Variants in JAKMIP3 observed in about 807,000 individuals in gnomAD.
JAKMIP3 encodes the protein Janus kinase and microtubule interacting protein 3.
A neutral mutation model predicts 118.5 loss-of-function variants in JAKMIP3; 58 were observed. The observed-to-expected ratio is 0.49, with a 90% CI of 0.40 to 0.61. The LOEUF (loss-of-function observed/expected upper bound fraction) is 0.61, where lower values mean the gene tolerates loss of function less well. JAKMIP3 is among the 20% of genes least tolerant of loss of function. The pLI is 0.00. For missense variants in JAKMIP3, 950 were observed against 1,109.0 expected (o/e 0.86, Z 2.04); for synonymous variants, 486 against 451.2 (o/e 1.08, Z -0.98).
At chr10:132,067,167 G>T (rs79874738) in intron 1 of JAKMIP3, among the ~76,000 whole-genome samples, 1,938 of 151,876 alleles carry the variant, frequency 0.013, 32 homozygotes, top group African/African-American at 0.044. Context: ...AAAGGCTGGC[G>T]TTTGGATGAG....
intron 13 of JAKMIP3, 145 bp downstream of exon 13, chr10:132,145,725 C>T (rs990442162): frequency 1.3e-5 from 9 of 689,942 alleles, no homozygotes; most frequent in Non-Finnish European, 1.7e-5. Flanking sequence ...CTCCCTCCTG[C>T]GGGACCCCAT....
chr10:132,159,597 T>C (rs2057672147), intron 19 of JAKMIP3, among the ~76,000 whole-genome samples: 1 of 82,956 alleles, frequency 1.2e-5, no homozygotes, highest in African/African-American at 4.2e-5. Flanking sequence ...GCTGGGGGCA[T>C]GTCTTCCTAT....
chr10:132,133,076 G>A (rs748407098), intron 3 of JAKMIP3, among the ~76,000 whole-genome samples: 2 of 152,200 alleles, frequency 1.3e-5, no homozygotes, highest in East Asian at 1.9e-4. Flanking sequence ...CCCGGGGACC[G>A]TCAGGAAGGA....
At chr10:132,106,452 C>T (rs1017483761) in intron 2 of JAKMIP3, among the ~76,000 whole-genome samples, 7 of 152,230 alleles carry the variant, frequency 4.6e-5, no homozygotes, top group Non-Finnish European at 8.8e-5. Context: ...GCCCCGCCCC[C>T]GTTCCTCCCC....
At chr10:132,142,578 G>C (rs970942683) in intron 11 of JAKMIP3, among the ~76,000 whole-genome samples, 1 of 152,166 alleles carries the variant, frequency 6.6e-6, no homozygotes, top group South Asian at 2.1e-4. Flanking sequence ...CCTTAGCGTC[G>C]TCCCCCAGGA....
intron 23 of JAKMIP3, among the ~76,000 whole-genome samples, chr10:132,180,077 C>G (rs1006220967): frequency 3.2e-4 from 48 of 152,198 alleles, no homozygotes; most frequent in Non-Finnish European, 1.5e-5. Context: ...GCCAGGCCCT[C>G]AAAAGGAAGG....
At position 132,112,367 on chromosome 10, in the gene JAKMIP3, C is replaced by G. The variant is rs2047004035; in HGVS notation, c.136-4710C>G. On this transcript the variant is annotated intron_variant, in intron 2 of 23. Transcript: ENST00000684848. This position sits in a 1 kb window ranked among gnomAD's most constrained non-coding sequence, Gnocchi z 4.3. ...GCTGGGACCTGCCCTGGGCACTCGGCTCGTCAGCTGGGAAGCCCAGAGAGG... is the reference window on the plus strand; with the variant it reads ...GCTGGGACCTGCCCTGGGCACTCGGGTCGTCAGCTGGGAAGCCCAGAGAGG... Among the ~76,000 whole-genome samples, 1 of 152,138 alleles carries G rather than the reference C, an allele frequency of 6.6e-6. No individual in the cohort carries two copies. Among genetic ancestry groups the G allele is most frequent in the Non-Finnish European group, 1.5e-5 (1 of 68,018 alleles).
At chr10:132,109,633 T>A (rs902789799) in intron 2 of JAKMIP3, among the ~76,000 whole-genome samples, 2 of 152,154 alleles carry the variant, frequency 1.3e-5, no homozygotes, top group Non-Finnish European at 2.9e-5. Flanking sequence ...CCGCTTTTCT[T>A]CCAGCTCCCA....
chr10:132,129,780 C>T (rs190606606), intron 3 of JAKMIP3, among the ~76,000 whole-genome samples: 1 of 152,110 alleles, frequency 6.6e-6, no homozygotes, highest in East Asian at 1.9e-4. Flanking sequence ...CGTTGTGTAT[C>T]TTGTTCAGCT....
intron 1 of JAKMIP3, among the ~76,000 whole-genome samples, chr10:132,040,503 A>G (rs1260788142): frequency 6.6e-6 from 1 of 152,064 alleles, no homozygotes; most frequent in African/African-American, 2.4e-5. Context: ...TGCTATAATC[A>G]TTTTATATCC....
chr10:132,068,898 A>C (rs2039369425), intron 1 of JAKMIP3, among the ~76,000 whole-genome samples: 2 of 151,930 alleles, frequency 1.3e-5, no homozygotes, highest in African/African-American at 4.8e-5. Flanking sequence ...CTCCAGAAAA[A>C]CCGGGCCTCA....
At chr10:132,120,540 G>C (rs1005341061) in intron 3 of JAKMIP3, among the ~76,000 whole-genome samples, 2 of 152,232 alleles carry the variant, frequency 1.3e-5, no homozygotes, top group African/African-American at 4.8e-5. Context: ...TCCTGGTTTT[G>C]TGCAATTTAA....
In JAKMIP3 at chr10:132,182,844, C is replaced by T. The variant is rs1441910137; in HGVS notation, c.*1591C>T. Reference sequence around the variant, plus strand: ...CAGGCATGGCTCCCTAGGTTGAAATCAGGGAAAAGCTAATAGTATCAGACA... The same window carrying T: ...CAGGCATGGCTCCCTAGGTTGAAATTAGGGAAAAGCTAATAGTATCAGACA... On this transcript the variant is annotated 3_prime_UTR_variant, in exon 24 of 24. Transcript: ENST00000684848. 6.6e-6 allele frequency: 1 copy of T among 152,160 alleles called. No individual in the cohort carries two copies. The highest frequency in any genetic ancestry group is 1.5e-5 in the Non-Finnish European group (1 of 68,034). 9.4% of individuals were successfully genotyped at this position (152,160 alleles called of 1,614,324 possible).
At chr10:132,093,421 C>T (rs2134468540) in intron 1 of JAKMIP3, among the ~76,000 whole-genome samples, 1 of 152,332 alleles carries the variant, frequency 6.6e-6, no homozygotes, top group East Asian at 1.9e-4. Flanking sequence ...TTTACCTACT[C>T]AAGCCTCAGC....
At chr10:132,108,458 C>T (rs962746744) in intron 2 of JAKMIP3, among the ~76,000 whole-genome samples, 1 of 152,142 alleles carries the variant, frequency 6.6e-6, no homozygotes, top group Admixed American at 6.5e-5. Context: ...GGGTGTGCAG[C>T]TACTGGAAGC....
In JAKMIP3 at chr10:132,133,272, G is replaced by C. The variant is rs760129045; in HGVS notation, c.634-40G>C. 23 of 1,501,212 alleles carry C rather than the reference G, an allele frequency of 1.5e-5. No individual in the cohort carries two copies. The South Asian group carries it at 2.1e-4, about 13-fold the overall frequency. 93.0% of individuals were successfully genotyped at this position (1,501,212 alleles called of 1,614,324 possible). On this transcript the variant is annotated intron_variant, in intron 3 of 23. Coordinates refer to ENST00000684848, the MANE Select transcript of JAKMIP3 (RefSeq NM_001323087.2). ...GTTTCTATGGTAACTGCAGATCCGT[G>C]TCCTGCCGCCTGTGTGATTGTGTTC...
chr10:132,137,433 A>G (rs2052032960), intron 8 of JAKMIP3, 144 bp downstream of exon 8: 2 of 1,018,610 alleles, frequency 2.0e-6, no homozygotes, highest in Admixed American at 2.2e-5. Flanking sequence ...TTGCAGTGCC[A>G]CCTGGCCAAG....
At chr10:132,065,254 G>A (rs1263280939), upstream of JAKMIP3, among the ~76,000 whole-genome samples, 2 of 152,060 alleles carry the variant, frequency 1.3e-5, no homozygotes, top group African/African-American at 4.8e-5. The surrounding 1 kb of genome is among the most constrained non-coding windows in gnomAD (Gnocchi z 5.6). Context: ...TTTTCCGGAC[G>A]GTGATTATGG....
At chr10:132,159,851 CCTCTCCCT>C (rs2057808941) in intron 19 of JAKMIP3, among the ~76,000 whole-genome samples, 1 of 40,388 alleles carries the variant, frequency 2.5e-5, no homozygotes, top group Admixed American at 3.1e-4. Context: ...TGCTGGGGGG[CCTCTCCCT>C]GTGTGATGCT....
Sources: allele counts gnomAD v4.1 joint callset (sites outside exome capture counted in the v4.1 genomes callset), GRCh38; gene constraint gnomAD v4.1.1; non-coding constraint Gnocchi (gnomAD v3.1); transcripts MANE v1.5; gene names NCBI Gene and HGNC (gene_info 2026-07-23, HGNC 2026-07-21).